Variants in OBP2B observed in about 807,000 individuals in gnomAD.
The protein encoded by OBP2B is odorant-binding protein 2b.
OBP2B carries 10 observed loss-of-function variants against 21.7 expected under a neutral mutation model. The observed-to-expected ratio is 0.46, with a 90% CI of 0.28 to 0.78. The LOEUF (loss-of-function observed/expected upper bound fraction) is 0.78, where lower values mean the gene tolerates loss of function less well. Among genes scored for constraint, OBP2B ranks in the 30% least tolerant of loss-of-function variants. The probability of loss-of-function intolerance (pLI) is 0.11; values close to 1 mark genes in which losing one functional copy is unlikely to be tolerated. For synonymous variants in OBP2B, 73 were observed against 91.5 expected, an observed-to-expected ratio of 0.80 and a Z score of 1.16; for missense variants, 153 against 217.7, an observed-to-expected ratio of 0.70 and a Z score of 1.87.
chr9:133,208,121 G>A lies in OBP2B; in HGVS notation c.277+12C>T. 1 of 1,601,336 alleles carries A rather than the reference G, an allele frequency of 6.2e-7. No homozygotes were observed. Among genetic ancestry groups the A allele is most frequent in the Non-Finnish European group, 8.5e-7 (1 of 1,174,474 alleles). On this transcript the variant is annotated intron_variant, in intron 3 of 6. Transcript: ENST00000372034. The stretch of plus-strand genomic sequence containing the variant: ...GGGGGAGGGTGGGGGTGGGAGTGGG[G>A]GAGGGGCTCACAGGCGCTGTATTTG...
chr9:133,218,215 G>A, the OBP2B span, among the ~76,000 whole-genome samples: 1 of 152,228 alleles, frequency 6.6e-6, no homozygotes, highest in Non-Finnish European at 1.5e-5. Context: ...GTGCCAGCCT[G>A]GAGGTGGGAG....
chr9:133,208,003 C>A, intron 3 of OBP2B, 130 bp downstream of exon 3: 1 of 1,516,360 alleles, frequency 6.6e-7, no homozygotes, highest in African/African-American at 1.4e-5. Flanking sequence ...GAGAGGCCAG[C>A]CCCTCCTTGG....
At chr9:133,218,174 G>A in the OBP2B span, among the ~76,000 whole-genome samples, 3 of 152,214 alleles carry the variant, frequency 2.0e-5, no homozygotes, top group African/African-American at 7.2e-5. Flanking sequence ...CTCGTCAGCT[G>A]GAAGAGGAGT....
chr9:133,207,365 C>T, intron 3 of OBP2B, 29 bp from the exon 4 acceptor site: 1 of 1,442,888 alleles, frequency 6.9e-7, no homozygotes, highest in South Asian at 1.2e-5. Context: ...ATGGGTCATT[C>T]CCAGAGAGAA....
chr9:133,207,659 C>T (rs1368725564), intron 3 of OBP2B, among the ~76,000 whole-genome samples: 4 of 152,042 alleles, frequency 2.6e-5, no homozygotes, highest in East Asian at 1.9e-4. Flanking sequence ...CCTCAGCTTC[C>T]GCAGCACTAA....
At chr9:133,212,814 C>A (rs1184234193), upstream of OBP2B, among the ~76,000 whole-genome samples, 1 of 152,006 alleles carries the variant, frequency 6.6e-6, no homozygotes, top group Non-Finnish European at 1.5e-5. Flanking sequence ...GCCTGTAATC[C>A]CAGCTAATCG....
intron 6 of OBP2B, 92 bp downstream of exon 6, chr9:133,205,825 G>A: frequency 6.3e-7 from 1 of 1,585,772 alleles, no homozygotes; most frequent in Non-Finnish European, 8.7e-7. Context: ...CCCTGGCTGT[G>A]TGGGATGGGA....
At chr9:133,221,785 G>A in the OBP2B span, among the ~76,000 whole-genome samples, 2 of 152,112 alleles carry the variant, frequency 1.3e-5, no homozygotes, top group Non-Finnish European at 2.9e-5. Context: ...TTCAAAAGTC[G>A]CCAAGTGTTT....
the OBP2B span, among the ~76,000 whole-genome samples, chr9:133,215,147 A>G: frequency 6.6e-6 from 1 of 152,224 alleles, no homozygotes; most frequent in African/African-American, 2.4e-5. Context: ...ACGGACCCTA[A>G]ACTTAAAAAC....
chr9:133,215,174 T>A, the OBP2B span, among the ~76,000 whole-genome samples: 1 of 152,158 alleles, frequency 6.6e-6, no homozygotes, highest in African/African-American at 2.4e-5. Flanking sequence ...CTACTTATAG[T>A]GGCTAAAAAA....
chr9:133,218,384 G>T, the OBP2B span, among the ~76,000 whole-genome samples: 7 of 152,244 alleles, frequency 4.6e-5, no homozygotes, highest in East Asian at 1.9e-4. Context: ...AGACCCTGGA[G>T]AGCTCTGACA....
At chr9:133,221,365 C>A in the OBP2B span, among the ~76,000 whole-genome samples, 51 of 152,306 alleles carry the variant, frequency 3.3e-4, no homozygotes, top group African/African-American at 1.2e-3. Context: ...GGTCTACAGG[C>A]GCGTGTGCAG....
At chr9:133,214,261 T>C in the OBP2B span, among the ~76,000 whole-genome samples, 1 of 152,216 alleles carries the variant, frequency 6.6e-6, no homozygotes, top group Non-Finnish European at 1.5e-5. Context: ...TCATTTCTCA[T>C]GGTGAAAGAC....
the OBP2B span, among the ~76,000 whole-genome samples, chr9:133,220,131 C>A: frequency 1.3e-5 from 2 of 152,076 alleles, no homozygotes; most frequent in Non-Finnish European, 2.9e-5. Context: ...GGGGTGAGAG[C>A]AGACGGGCAT....
At chr9:133,212,328 C>T (rs567319050), upstream of OBP2B, among the ~76,000 whole-genome samples, 12 of 152,330 alleles carry the variant, frequency 7.9e-5, no homozygotes, top group Admixed American at 7.2e-4. Context: ...TTAACATAAT[C>T]GAATTGACAT....
chr9:133,206,404 T>C lies in OBP2B; in HGVS notation c.401A>G (p.Asp134Gly), dbSNP rs1226009006. The C allele has an allele frequency of 6.2e-7, 1 of 1,613,852 alleles. No homozygotes were observed. Among genetic ancestry groups the C allele is most frequent in the South Asian group, 1.1e-5 (1 of 91,060 alleles). The stretch of plus-strand genomic sequence containing the variant: ...TTCTTCCAGGGCCTCCCGGTTGGTA[T>C]CAGAATTCCTACCTGCAGGTGAGGT... ...HMGKLVGRNS[D>G]TNREALEEFK... is the part of the protein sequence containing the mutation. The change falls in exon 5 of 7, where the codon GAT becomes GGT. Residue 134 changes from aspartate to glycine, a missense_variant. Asp to Gly is a moderately conservative substitution (Grantham distance 94). Coordinates refer to ENST00000372034, the MANE Select transcript of OBP2B (RefSeq NM_014581.4).
At chr9:133,217,583 T>A in the OBP2B span, among the ~76,000 whole-genome samples, 1 of 152,218 alleles carries the variant, frequency 6.6e-6, no homozygotes, top group African/African-American at 2.4e-5. Flanking sequence ...CGCCCCCAGA[T>A]GGCTTCCTAT....
chr9:133,207,911 A>G, intron 3 of OBP2B: 10 of 1,532,400 alleles, frequency 6.5e-6, no homozygotes, highest in Non-Finnish European at 8.7e-6. Flanking sequence ...CCCAGAGGGC[A>G]GGCGTGATCT....
upstream of OBP2B, among the ~76,000 whole-genome samples, chr9:133,211,612 C>T (rs77954238): frequency 0.034 from 5,154 of 152,274 alleles, 308 homozygotes; most frequent in African/African-American, 0.12. Flanking sequence ...TGGACTCTTC[C>T]TTCTAAGTGG....
Sources: gnomAD v4.1 joint callset for allele counts (sites outside exome capture counted in the v4.1 genomes callset) on GRCh38, gnomAD v4.1.1 for gene constraint, MANE v1.5 for transcripts, NCBI Gene and HGNC (gene_info 2026-07-23, HGNC 2026-07-21) for gene names.